Variants in OSBPL2 observed in about 807,000 individuals in gnomAD.
The protein encoded by OSBPL2 is oxysterol binding protein like 2, also known as oxysterol-binding protein-related protein 2.
Under a neutral mutation model 58.4 loss-of-function variants are expected in OSBPL2, and 18 were observed. That is an observed-to-expected ratio of 0.31 (90% CI 0.21 to 0.46). The LOEUF is 0.46. OSBPL2 is among the 20% of genes least tolerant of loss of function. The pLI, the probability that OSBPL2 is intolerant of heterozygous loss-of-function variation, is 1.00. For missense variants in OSBPL2, 461 were observed against 616.5 expected (o/e 0.75, Z 2.67); for synonymous variants, 221 against 234.1 (o/e 0.94, Z 0.51).
chr20:62,283,925 G>A (rs1982949000), intron 9 of OSBPL2, 121 bp from the exon 10 acceptor site: 1 of 970,448 alleles, frequency 1.0e-6, no homozygotes, highest in Admixed American at 2.3e-5. Context: ...TTTATGTCCA[G>A]AGATGTCCCA....
At chr20:62,245,927 C>T (rs910351873) in intron 1 of OSBPL2, among the ~76,000 whole-genome samples, 2 of 152,224 alleles carry the variant, frequency 1.3e-5, no homozygotes, top group South Asian at 2.1e-4. Context: ...TGGCAGAAGG[C>T]GTGTTTCAGT....
intron 6 of OSBPL2, among the ~76,000 whole-genome samples, chr20:62,275,954 G>T (rs931532941): frequency 6.8e-6 from 1 of 146,706 alleles, no homozygotes; most frequent in Admixed American, 6.9e-5. Flanking sequence ...TGGTTGCCCA[G>T]GCTGGAGGGC....
chr20:62,289,202 C>T lies in OSBPL2; in HGVS notation c.1126-5C>T, dbSNP rs1983330961. Reference sequence around the variant, plus strand: ...GAGGTCGTGTCTCTGTGCCTTGCTCCACAGATGTATAATTTCACCAGTTTC... The same window carrying T: ...GAGGTCGTGTCTCTGTGCCTTGCTCTACAGATGTATAATTTCACCAGTTTC... On this transcript the variant is annotated splice_region_variant and splice_polypyrimidine_tract_variant and intron_variant, in intron 11 of 13. Coordinates refer to ENST00000313733, the MANE Select transcript of OSBPL2 (RefSeq NM_144498.4). 2 of 1,613,394 alleles carry T rather than the reference C, an allele frequency of 1.2e-6. No individual in the cohort carries two copies. Among genetic ancestry groups the T allele is most frequent in the African/African-American group, 2.7e-5 (2 of 74,898 alleles).
intron 1 of OSBPL2, among the ~76,000 whole-genome samples, chr20:62,251,635 T>C (rs918999763): frequency 1.3e-5 from 2 of 151,718 alleles, no homozygotes; most frequent in Admixed American, 1.3e-4. Flanking sequence ...CTTGAACTCC[T>C]GACCTCAGGT....
intron 9 of OSBPL2, among the ~76,000 whole-genome samples, chr20:62,282,891 G>A (rs541853987): frequency 6.6e-6 from 1 of 152,246 alleles, no homozygotes; most frequent in Admixed American, 6.5e-5. Context: ...AAATGCACCC[G>A]TTTGAACAGC....
chr20:62,249,340 A>G (rs1181902647), intron 1 of OSBPL2, among the ~76,000 whole-genome samples: 1 of 152,204 alleles, frequency 6.6e-6, no homozygotes, highest in African/African-American at 2.4e-5. Flanking sequence ...GTTGAACAGA[A>G]AGAGCCCCTT....
chr20:62,271,450 T>C (rs1982047701), intron 4 of OSBPL2, among the ~76,000 whole-genome samples: 2 of 152,164 alleles, frequency 1.3e-5, no homozygotes, highest in African/African-American at 4.8e-5. Context: ...CTGGGACCAC[T>C]ACTCTGTTTT....
At chr20:62,272,875 GA>G (rs1378156909) in intron 5 of OSBPL2, among the ~76,000 whole-genome samples, 1 of 152,216 alleles carries the variant, frequency 6.6e-6, no homozygotes, top group Non-Finnish European at 1.5e-5. Flanking sequence ...CAGCCTGGGT[GA>G]CAGAGTGAGA....
chr20:62,246,076 G>A (rs376522084), intron 1 of OSBPL2, among the ~76,000 whole-genome samples: 3 of 152,234 alleles, frequency 2.0e-5, no homozygotes, highest in African/African-American at 4.8e-5. Flanking sequence ...CCATTCCCGC[G>A]TCTCCTCGCA....
rs1007640151 is a variant in OSBPL2, at chr20:62,288,308, G to A, written c.1126-899G>A. On this transcript the variant is annotated intron_variant, in intron 11 of 13. Transcript: ENST00000313733. The surrounding 1 kb of genome is among the most constrained non-coding windows in gnomAD (Gnocchi z 4.8). ...CAGCAACAGAAGAGGGAGGACACGG[G>A]TGGTGGCTGGAGGGCCTGGCTGTGG... 6.6e-6 allele frequency among the ~76,000 whole-genome samples: 1 copy of A among 152,210 alleles called. No individual in the cohort carries two copies. Among genetic ancestry groups the A allele is most frequent in the African/African-American group, 2.4e-5 (1 of 41,450 alleles).
At chr20:62,286,043 C>G (rs1983096783) in intron 10 of OSBPL2, 1 of 158,958 alleles carries the variant, frequency 6.3e-6, no homozygotes, top group Non-Finnish European at 1.4e-5. Context: ...GACAGCACAG[C>G]CCTACGAAGG....
Position 62,281,154 on chromosome 20 carries a change from T to G in OSBPL2, c.771T>G (p.Ile257Met). The G allele has an allele frequency of 6.2e-7, 1 of 1,610,034 alleles. No individual in the cohort carries two copies. ...LWIEQYGTVE[I>M]LNHRTGHKCV... is the part of the protein sequence containing the mutation. ...TAGAGCAGTATGGGACAGTGGAGATTTTAAACCACAGGTGACAGCACCCCA... is the reference window on the plus strand; with the variant it reads ...TAGAGCAGTATGGGACAGTGGAGATGTTAAACCACAGGTGACAGCACCCCA... Residue 257 changes from isoleucine to methionine, a missense_variant, in exon 8 of 14, where the codon ATT (isoleucine) becomes ATG (methionine). Transcript: ENST00000313733.
intron 6 of OSBPL2, 109 bp downstream of exon 6, chr20:62,273,515 G>A (rs1333720330): frequency 1.1e-5 from 10 of 908,740 alleles, no homozygotes; most frequent in Non-Finnish European, 1.7e-5. Flanking sequence ...AGAATAAACT[G>A]TTTGAATTAA....
Position 62,256,158 on chromosome 20 carries a change from G to C in OSBPL2, c.-27G>C. The C allele has an allele frequency of 6.2e-7, 1 of 1,612,958 alleles. No homozygotes were observed. The highest frequency in any genetic ancestry group is 8.5e-7 in the Non-Finnish European group (1 of 1,179,078). ...TGATTCAGTAGAAGAGCACATGTCAGGGGCAGTGGAGGCTGGCTGCTGAAG... is the reference window on the plus strand; with the variant it reads ...TGATTCAGTAGAAGAGCACATGTCACGGGCAGTGGAGGCTGGCTGCTGAAG... On this transcript the variant is annotated 5_prime_UTR_variant, in exon 2 of 14. Transcript: ENST00000313733.
rs370998793 is a variant in OSBPL2 at position 62,272,371 on chromosome 20, C to G, written c.393+112C>G. Reference sequence around the variant, plus strand: ...TCTGTGAGGACTCGCACAGCTCCCCCCAGTGTTCAGTGCCATCCTGCCTGG... The same window carrying G: ...TCTGTGAGGACTCGCACAGCTCCCCGCAGTGTTCAGTGCCATCCTGCCTGG... On this transcript the variant is annotated intron_variant, in intron 5 of 13. Transcript: ENST00000313733. 1.5e-4 allele frequency: 183 copies of G among 1,210,492 alleles called. 1 individual carries two copies. In the East Asian group the frequency reaches 3.0e-3, roughly 20 times the overall value. The allele number at this position is 1,210,492 out of a possible 1,614,324, so 75.0% of individuals were successfully genotyped here. A position where few individuals can be genotyped will look rare whatever the true frequency, so the allele number is the denominator to read the frequency against.
intron 6 of OSBPL2, among the ~76,000 whole-genome samples, chr20:62,277,643 C>G (rs1284734253): frequency 2.6e-5 from 4 of 152,224 alleles, no homozygotes; most frequent in Admixed American, 2.6e-4. Context: ...TTTTCTCAGA[C>G]AAGTATTCAT....
Position 62,294,210 on chromosome 20 carries a change from C to T in OSBPL2, c.*323C>T. On this transcript the variant is annotated 3_prime_UTR_variant, in exon 14 of 14. Transcript: ENST00000313733. ...GCTTCCAGCACACTCTCAGTCATAG[C>T]ATGTGTAGCTAAAGGAAGTAATGGG... The T allele has an allele frequency of 5.3e-6, 2 of 380,424 alleles. No homozygotes were observed. Among genetic ancestry groups the T allele is most frequent in the Non-Finnish European group, 9.4e-6 (2 of 211,864 alleles). 23.6% of individuals were successfully genotyped at this position (380,424 alleles called of 1,614,324 possible).
At chr20:62,258,695 T>C (rs961817003) in intron 2 of OSBPL2, among the ~76,000 whole-genome samples, 3 of 152,156 alleles carry the variant, frequency 2.0e-5, no homozygotes, top group Non-Finnish European at 4.4e-5. Flanking sequence ...GCCATCCATG[T>C]AGTGTTGGCT....
chr20:62,280,201 A>C, intron 7 of OSBPL2: 111 of 950,074 alleles, frequency 1.2e-4, no homozygotes, highest in Non-Finnish European at 1.5e-4. Flanking sequence ...ATAAGTAATA[A>C]ACGACACCTT....
Sources: allele counts gnomAD v4.1 joint callset (sites outside exome capture counted in the v4.1 genomes callset), GRCh38; gene constraint gnomAD v4.1.1; non-coding constraint Gnocchi (gnomAD v3.1); transcripts MANE v1.5; gene names NCBI Gene and HGNC (gene_info 2026-07-23, HGNC 2026-07-21).